CLIC4: variants seen among roughly 807,000 people sequenced by gnomAD.
CLIC4 encodes chloride intracellular channel protein 4.
Under a neutral mutation model 24.6 loss-of-function variants are expected in CLIC4, and 13 were observed. The observed-to-expected ratio is 0.53, with a 90% CI of 0.34 to 0.84. The LOEUF (loss-of-function observed/expected upper bound fraction) is 0.84, where lower values mean the gene tolerates loss of function less well. CLIC4 is among the 40% of genes least tolerant of loss of function. The probability of loss-of-function intolerance (pLI) is 0.01; values close to 1 mark genes in which losing one functional copy is unlikely to be tolerated. For synonymous variants in CLIC4, 104 were observed against 111.3 expected, an observed-to-expected ratio of 0.93 and a Z score of 0.41; for missense variants, 227 against 301.7, an observed-to-expected ratio of 0.75 and a Z score of 1.83.
At chr1:24,780,105 A>G (rs1297490765) in intron 1 of CLIC4, among the ~76,000 whole-genome samples, 1 of 152,176 alleles carries the variant, frequency 6.6e-6, no homozygotes, top group Admixed American at 6.5e-5. Context: ...TGTTTTATTG[A>G]GCACTTAACC....
intron 3 of CLIC4, among the ~76,000 whole-genome samples, chr1:24,817,059 C>T (rs139252070): frequency 6.6e-6 from 1 of 152,144 alleles, no homozygotes; most frequent in Non-Finnish European, 1.5e-5. Flanking sequence ...TGAAACCAGA[C>T]GTTGACTTTT....
chr1:24,773,800 G>A (rs1294064187), intron 1 of CLIC4, among the ~76,000 whole-genome samples: 1 of 151,724 alleles, frequency 6.6e-6, no homozygotes, highest in African/African-American at 2.4e-5. Context: ...GTCTCACTGT[G>A]TTGTCCAGGC....
At chr1:24,754,317 A>G (rs1202144852) in intron 1 of CLIC4, among the ~76,000 whole-genome samples, 4 of 152,308 alleles carry the variant, frequency 2.6e-5, no homozygotes, top group South Asian at 4.1e-4. Context: ...CTGTCAGGAA[A>G]TGTCACAGTT....
At chr1:24,800,480 G>C (rs1400433543) in intron 2 of CLIC4, among the ~76,000 whole-genome samples, 1 of 151,438 alleles carries the variant, frequency 6.6e-6, no homozygotes, top group East Asian at 2.0e-4. Flanking sequence ...CGCCCCGTCC[G>C]GGAGGTGAGG....
intron 1 of CLIC4, among the ~76,000 whole-genome samples, chr1:24,748,522 T>TTA (rs1553188247): frequency 1.4e-5 from 2 of 146,212 alleles, no homozygotes; most frequent in East Asian, 2.0e-4. Context: ...TTTTTTTTTT[T>TTA]AATGAGATGG....
chr1:24,753,851 A>G lies in CLIC4; in HGVS notation c.72+8226A>G, dbSNP rs906155028. On this transcript the variant is annotated intron_variant, in intron 1 of 5. Coordinates refer to ENST00000374379, the MANE Select transcript of CLIC4 (RefSeq NM_013943.3). ...ACAGTTTAAAGTGGGAATTCTTTAT[A>G]TTGTTTCAAGGACAGGCTTCAAACT... Among the ~76,000 whole-genome samples, 14 of 152,260 alleles carry G rather than the reference A, an allele frequency of 9.2e-5. No individual in the cohort carries two copies. The East Asian group carries it at 2.3e-3, about 25-fold the overall frequency.
At chr1:24,819,044 GCAA>G (rs944330461) in intron 3 of CLIC4, among the ~76,000 whole-genome samples, 2 of 152,100 alleles carry the variant, frequency 1.3e-5, no homozygotes, top group African/African-American at 4.8e-5. Context: ...AGGCTGATGA[GCAA>G]CAACACCTCT....
At chr1:24,796,253 A>C (rs1329193109) in intron 1 of CLIC4, among the ~76,000 whole-genome samples, 2 of 152,180 alleles carry the variant, frequency 1.3e-5, no homozygotes, top group African/African-American at 4.8e-5. Context: ...CAGTGGCACG[A>C]TGTCGGCTCA....
chr1:24,840,046 G>A lies in CLIC4; in HGVS notation c.597+5G>A. ...CCCAAACTGCATATTGTCAAGGTAG[G>A]TCTGTAGGGGTTGATGTCGCATTGC... On this transcript the variant is annotated splice_donor_5th_base_variant and intron_variant, in intron 5 of 5. Coordinates refer to ENST00000374379, the MANE Select transcript of CLIC4 (RefSeq NM_013943.3). The A allele has an allele frequency of 1.2e-6, 2 of 1,612,492 alleles. No homozygotes were observed. The highest frequency in any genetic ancestry group is 1.7e-6 in the Non-Finnish European group (2 of 1,178,986).
chr1:24,746,702 A>G (rs1309867886), intron 1 of CLIC4, among the ~76,000 whole-genome samples: 1 of 152,164 alleles, frequency 6.6e-6, no homozygotes, highest in African/African-American at 2.4e-5. Context: ...AGGACATTTC[A>G]GGATGTGTTT....
rs775132364 is a variant in CLIC4, at chr1:24,745,515, A to G, written c.-39A>G. On this transcript the variant is annotated 5_prime_UTR_variant, in exon 1 of 6. Transcript: ENST00000374379. ...CCGGAGCAGAAGCAGCAGCAGCAGC[A>G]GCAGCCCTCGCCGTTCGCGGAGCGC... 1 of 1,545,692 alleles carries G rather than the reference A, an allele frequency of 6.5e-7. No individual in the cohort carries two copies. The highest frequency in any genetic ancestry group is 8.7e-7 in the Non-Finnish European group (1 of 1,145,138).
intron 1 of CLIC4, among the ~76,000 whole-genome samples, chr1:24,756,008 T>TG (rs984887263): frequency 6.8e-6 from 1 of 147,500 alleles, no homozygotes; most frequent in African/African-American, 2.5e-5. Flanking sequence ...TTTTTTTTTT[T>TG]TTTTTTTTTG....
At chr1:24,764,320 G>A (rs1298629757) in intron 1 of CLIC4, among the ~76,000 whole-genome samples, 10 of 151,828 alleles carry the variant, frequency 6.6e-5, no homozygotes, top group African/African-American at 2.2e-4. Context: ...GGGTGGTCTC[G>A]AACTCCCAAC....
chr1:24,840,482 A>C (rs1283827843), intron 5 of CLIC4, among the ~76,000 whole-genome samples: 1 of 152,192 alleles, frequency 6.6e-6, no homozygotes, highest in Non-Finnish European at 1.5e-5. Flanking sequence ...AACAGATCTA[A>C]AATAGCATAT....
chr1:24,748,864 C>A (rs774895765), intron 1 of CLIC4, among the ~76,000 whole-genome samples: 3 of 152,080 alleles, frequency 2.0e-5, no homozygotes, highest in Non-Finnish European at 4.4e-5. Context: ...CATTCTTGAT[C>A]TCTTCTCAAA....
rs117882685 is a variant in CLIC4, at chr1:24,807,032, G to A, written c.183-7062G>A. Among the ~76,000 whole-genome samples, 82 of 151,962 alleles carry A rather than the reference G, an allele frequency of 5.4e-4. 1 individual carries two copies. The East Asian group carries it at 0.01, about 19-fold the overall frequency. On this transcript the variant is annotated intron_variant, in intron 2 of 5. Coordinates refer to ENST00000374379, the MANE Select transcript of CLIC4 (RefSeq NM_013943.3). The stretch of plus-strand genomic sequence containing the variant: ...TTATTTGGGAGCCGGGTGCAGTGGC[G>A]TGCTCTCTAGTCCCAGCTACTTGCA...
intron 1 of CLIC4, among the ~76,000 whole-genome samples, chr1:24,780,006 C>G (rs1219302827): frequency 6.6e-6 from 1 of 152,162 alleles, no homozygotes; most frequent in Non-Finnish European, 1.5e-5. Flanking sequence ...CAGTGGTATC[C>G]TGTTACCCTG....
rs552735024 is a variant in CLIC4, at chr1:24,794,685, G to A, written c.73-3057G>A. Among the ~76,000 whole-genome samples the A allele has an allele frequency of 2.6e-4, 39 of 152,184 alleles. No homozygotes were observed. The East Asian group carries it at 5.8e-3, about 23-fold the overall frequency. ...CTGTTGATAGTTTCTTCTGCTGTGCGGAAACTCTTAAGTTTAATTAGATCC... is the reference window on the plus strand; with the variant it reads ...CTGTTGATAGTTTCTTCTGCTGTGCAGAAACTCTTAAGTTTAATTAGATCC... On this transcript the variant is annotated intron_variant, in intron 1 of 5. Transcript: ENST00000374379.
chr1:24,751,186 T>C (rs1638769890), intron 1 of CLIC4, among the ~76,000 whole-genome samples: 1 of 151,136 alleles, frequency 6.6e-6, no homozygotes, highest in African/African-American at 2.4e-5. Flanking sequence ...CTCTTTTTTT[T>C]CTCCATTTAA....
Sources: allele counts gnomAD v4.1 joint callset (sites outside exome capture counted in the v4.1 genomes callset), GRCh38; gene constraint gnomAD v4.1.1; transcripts MANE v1.5; gene names NCBI Gene and HGNC (gene_info 2026-07-23, HGNC 2026-07-21).